Variants in SYT1 observed in about 807,000 individuals in gnomAD.
SYT1 encodes the protein synaptotagmin 1.
Under a neutral mutation model 44.8 loss-of-function variants are expected in SYT1, and 8 were observed. The ratio of observed to expected loss-of-function variants is 0.18; its 90% CI spans 0.10 to 0.32. The LOEUF (loss-of-function observed/expected upper bound fraction) is 0.32, where lower values mean the gene tolerates loss of function less well. SYT1 is among the 10% of genes least tolerant of loss of function. SYT1 has a pLI of 1.00. For synonymous variants in SYT1, 154 were observed against 188.8 expected, an observed-to-expected ratio of 0.82 and a Z score of 1.51; for missense variants, 286 against 509.3, an observed-to-expected ratio of 0.56 and a Z score of 4.22.
chr12:79,103,645 G>A (rs1004073824), intron 3 of SYT1, among the ~76,000 whole-genome samples: 5 of 151,964 alleles, frequency 3.3e-5, no homozygotes, highest in Non-Finnish European at 1.5e-5. Flanking sequence ...AATATTTTAA[G>A]TAGTTATAAT....
chr12:79,294,456 C>T (rs1879782827), intron 6 of SYT1, among the ~76,000 whole-genome samples: 1 of 152,048 alleles, frequency 6.6e-6, no homozygotes, highest in African/African-American at 2.4e-5. Flanking sequence ...TTTACCAAAA[C>T]TAAAAGACAA....
intron 4 of SYT1, among the ~76,000 whole-genome samples, chr12:79,225,213 A>G (rs566522791): frequency 6.6e-6 from 1 of 152,278 alleles, no homozygotes; most frequent in East Asian, 1.9e-4. Context: ...GAGATTTATA[A>G]GAGAATTATT....
chr12:79,369,349 G>A (rs988637664), intron 9 of SYT1, among the ~76,000 whole-genome samples: 5 of 152,090 alleles, frequency 3.3e-5, no homozygotes, highest in Non-Finnish European at 7.4e-5. Flanking sequence ...GGTGGCATAT[G>A]CCTGTAGTCC....
intron 4 of SYT1, among the ~76,000 whole-genome samples, chr12:79,239,011 C>T (rs1876348508): frequency 6.6e-6 from 1 of 152,138 alleles, no homozygotes; most frequent in African/African-American, 2.4e-5. Context: ...AGTTATTTGC[C>T]TTATTCTTCC....
chr12:79,038,604 T>A (rs141447436), intron 2 of SYT1, among the ~76,000 whole-genome samples: 1 of 152,048 alleles, frequency 6.6e-6, no homozygotes, highest in East Asian at 1.9e-4. Context: ...TCTGTGCACA[T>A]CAACCTTGTA....
chr12:79,216,180 C>G (rs570974337), intron 3 of SYT1, among the ~76,000 whole-genome samples: 1 of 152,174 alleles, frequency 6.6e-6, no homozygotes, highest in African/African-American at 2.4e-5. Context: ...ATCCGCCTGC[C>G]TCGGCCTCCC....
intron 1 of SYT1, among the ~76,000 whole-genome samples, chr12:78,938,961 G>T (rs1439141502): frequency 6.6e-6 from 1 of 152,108 alleles, no homozygotes; most frequent in African/African-American, 2.4e-5. Flanking sequence ...TTCATCTAAA[G>T]ATTTATGGAA....
intron 8 of SYT1, among the ~76,000 whole-genome samples, chr12:79,337,464 C>T (rs966272034): frequency 6.6e-6 from 1 of 152,190 alleles, no homozygotes; most frequent in Non-Finnish European, 1.5e-5. Context: ...CATCAAGACC[C>T]CATTTTCCCC....
At chr12:79,174,333 T>C (rs1416071521) in intron 3 of SYT1, among the ~76,000 whole-genome samples, 2 of 152,156 alleles carry the variant, frequency 1.3e-5, no homozygotes, top group East Asian at 1.9e-4. Context: ...ATAAGTGGCT[T>C]CAGAACATGC....
At chr12:79,102,425 G>A (rs546453176) in intron 3 of SYT1, among the ~76,000 whole-genome samples, 10 of 152,244 alleles carry the variant, frequency 6.6e-5, no homozygotes, top group African/African-American at 2.2e-4. Flanking sequence ...TTTCAGCAAG[G>A]TCATTCCTAA....
At chr12:78,971,756 A>T (rs149872244) in intron 1 of SYT1, among the ~76,000 whole-genome samples, 128 of 152,256 alleles carry the variant, frequency 8.4e-4, no homozygotes, top group African/African-American at 2.7e-3. Flanking sequence ...AGCAGAGGCA[A>T]TGTATAATGA....
At chr12:79,181,466 A>G (rs113335099) in intron 3 of SYT1, among the ~76,000 whole-genome samples, 1,645 of 152,166 alleles carry the variant, frequency 0.011, 32 homozygotes, top group African/African-American at 0.037. Flanking sequence ...CAATACATAT[A>G]GCATTTTTGC....
chr12:79,233,452 GT>G (rs1875990625), intron 4 of SYT1, among the ~76,000 whole-genome samples: 1 of 152,188 alleles, frequency 6.6e-6, no homozygotes, highest in South Asian at 2.1e-4. Flanking sequence ...CGAAACTTGT[GT>G]AGGTTTCTGT....
chr12:79,080,379 T>C (rs1437864703), intron 3 of SYT1, among the ~76,000 whole-genome samples: 1 of 152,110 alleles, frequency 6.6e-6, no homozygotes, highest in Non-Finnish European at 1.5e-5. Flanking sequence ...TCTAAATGAT[T>C]TGGCACCAGG....
At chr12:79,170,173 C>A (rs1021429387) in intron 3 of SYT1, among the ~76,000 whole-genome samples, 1 of 152,008 alleles carries the variant, frequency 6.6e-6, no homozygotes, top group Non-Finnish European at 1.5e-5. Flanking sequence ...ATGCATGAGT[C>A]TTTATAATAG....
intron 2 of SYT1, among the ~76,000 whole-genome samples, chr12:79,030,579 T>C (rs2137668984): frequency 6.6e-6 from 1 of 151,142 alleles, no homozygotes; most frequent in East Asian, 1.9e-4. Flanking sequence ...TGGGTTGAAC[T>C]CTCCTTTTCC....
At chr12:78,964,699 T>C (rs970134708) in intron 1 of SYT1, among the ~76,000 whole-genome samples, 6 of 152,232 alleles carry the variant, frequency 3.9e-5, no homozygotes, top group Admixed American at 1.3e-4. Flanking sequence ...GTAAGTGTTA[T>C]GACCTTAATC....
At position 79,274,078 on chromosome 12, in the gene SYT1, G is replaced by A. The variant is rs149728639; in HGVS notation, c.167-11709G>A. Among the ~76,000 whole-genome samples the A allele has an allele frequency of 1.4e-3, 206 of 152,278 alleles. 1 individual carries two copies. Among genetic ancestry groups the A allele is most frequent in the Non-Finnish European group, 2.6e-3 (176 of 68,018 alleles). ...CAGCCTGGCGACAAAGCAAGACTCC[G>A]TCTGAAAAAATAAATAAATAAGAAA... On this transcript the variant is annotated intron_variant, in intron 4 of 10. Coordinates refer to ENST00000261205, the MANE Select transcript of SYT1 (RefSeq NM_005639.3).
chr12:78,991,239 T>C (rs1195688809), intron 2 of SYT1, among the ~76,000 whole-genome samples: 2 of 152,086 alleles, frequency 1.3e-5, no homozygotes, highest in Non-Finnish European at 2.9e-5. Context: ...CCTGAGAAGT[T>C]ATGTAGTTCT....
Sources: allele counts gnomAD v4.1 joint callset (sites outside exome capture counted in the v4.1 genomes callset), GRCh38; gene constraint gnomAD v4.1.1; transcripts MANE v1.5; gene names NCBI Gene and HGNC (gene_info 2026-07-23, HGNC 2026-07-21).